The following FRMPD4 variants were observed in gnomAD, a reference collection of about 807,000 sequenced individuals.
FRMPD4 encodes the protein FERM and PDZ domain containing 4, also known as FERM and PDZ domain-containing protein 4.
In FRMPD4, 22 loss-of-function variants were observed where a neutral mutation model predicts 94.1. The ratio of observed to expected loss-of-function variants is 0.23; its 90% CI spans 0.17 to 0.33. FRMPD4 has a LOEUF of 0.33. FRMPD4 is among the 10% of genes least tolerant of loss of function. The pLI is 1.00. For missense variants in FRMPD4, 1,111 were observed against 1,339.9 expected, an observed-to-expected ratio of 0.83 and a Z score of 2.67; for synonymous variants, 631 against 548.6, an observed-to-expected ratio of 1.15 and a Z score of -2.10.
intron 1 of FRMPD4, among the ~76,000 whole-genome samples, chrX:12,358,853 T>C (rs892260646): frequency 8.9e-6 from 1 of 112,163 alleles, no homozygotes; most frequent in African/African-American, 3.2e-5. Context: ...TATCCCTTGC[T>C]CGGTTCCTTA....
chrX:11,935,095 T>TTTTTTA (rs869047289), intron 3 of FRMPD4, among the ~76,000 whole-genome samples: 6 of 49,006 alleles, frequency 1.2e-4, no homozygotes, highest in African/African-American at 3.6e-4. Flanking sequence ...TTTTTTTTTT[T>TTTTTTA]AAATTTAACA....
chrX:12,427,970 C>T (rs1455722789), intron 1 of FRMPD4, among the ~76,000 whole-genome samples: 1 of 85,380 alleles, frequency 1.2e-5, no homozygotes, highest in African/African-American at 4.6e-5. Flanking sequence ...AGTGCAGTGG[C>T]GCGATCTCGG....
chrX:11,848,655 G>T (rs1278334991), intron 1 of FRMPD4, among the ~76,000 whole-genome samples: 12 of 110,218 alleles, frequency 1.1e-4, no homozygotes, highest in Non-Finnish European at 2.1e-4. Flanking sequence ...GATATGTAGG[G>T]TGCTCATCAA....
intron 3 of FRMPD4, among the ~76,000 whole-genome samples, chrX:12,021,459 A>G (rs905973516): frequency 1.8e-5 from 2 of 112,008 alleles, no homozygotes; most frequent in Non-Finnish European, 3.8e-5. Flanking sequence ...TTTGGGGCTT[A>G]AATAACTCAA....
chrX:11,982,857 G>A, intron 3 of FRMPD4, among the ~76,000 whole-genome samples: 1 of 111,488 alleles, frequency 9.0e-6, no homozygotes, highest in Non-Finnish European at 1.9e-5. Context: ...TTTATATTTT[G>A]GATCTGCTGA....
At chrX:12,504,957 A>C (rs1302711122) in intron 2 of FRMPD4, among the ~76,000 whole-genome samples, 1 of 112,081 alleles carries the variant, frequency 8.9e-6, no homozygotes, top group Non-Finnish European at 1.9e-5. Context: ...GGGCCACTTG[A>C]CTACAACAGA....
chrX:12,086,091 G>C (rs1274633002), intron 3 of FRMPD4, among the ~76,000 whole-genome samples: 1 of 108,178 alleles, frequency 9.2e-6, no homozygotes, highest in African/African-American at 3.4e-5. Context: ...GTGTGTGTAT[G>C]TGTGTGTGTG....
At chrX:12,161,351 G>T (rs764827422) in intron 1 of FRMPD4, among the ~76,000 whole-genome samples, 7 of 111,436 alleles carry the variant, frequency 6.3e-5, no homozygotes, top group Admixed American at 5.7e-4. Context: ...TAGAGATGGG[G>T]TTTTACCATG....
intron 3 of FRMPD4, among the ~76,000 whole-genome samples, chrX:11,970,482 GGGAAGAAGAACT>G (rs1464172554): frequency 4.5e-5 from 5 of 112,088 alleles, no homozygotes; most frequent in Non-Finnish European, 9.4e-5. Flanking sequence ...CTAGAAAACA[GGGAAGAAGAACT>G]TGGTTCCAGC....
intron 1 of FRMPD4, among the ~76,000 whole-genome samples, chrX:12,352,552 G>A (rs1230479929): frequency 8.9e-6 from 1 of 112,352 alleles, no homozygotes; most frequent in Non-Finnish European, 1.9e-5. Flanking sequence ...CTATTGATAG[G>A]AATGATTCAC....
chrX:11,885,972 C>A (rs1334232490), intron 3 of FRMPD4, among the ~76,000 whole-genome samples: 2 of 111,524 alleles, frequency 1.8e-5, no homozygotes, highest in Non-Finnish European at 3.8e-5. Context: ...AAAGCAAAAT[C>A]TTATTAAGGT....
At chrX:12,001,237 G>T (rs965827623) in intron 3 of FRMPD4, among the ~76,000 whole-genome samples, 11 of 111,786 alleles carry the variant, frequency 9.8e-5, no homozygotes, top group Non-Finnish European at 2.1e-4. Flanking sequence ...ATTAATTAAG[G>T]TTGGTTGTGC....
chrX:12,650,265 A>C (rs1180006621), intron 4 of FRMPD4, among the ~76,000 whole-genome samples: 1 of 112,099 alleles, frequency 8.9e-6, no homozygotes, highest in Non-Finnish European at 1.9e-5. Flanking sequence ...GGATGCAAAC[A>C]GACAGCAGGA....
intron 1 of FRMPD4, among the ~76,000 whole-genome samples, chrX:12,398,472 AATCATT>A (rs1010696207): frequency 9.0e-6 from 1 of 111,216 alleles, no homozygotes; most frequent in African/African-American, 3.3e-5. Context: ...GTGTGACAGG[AATCATT>A]ATTAGCTTTC....
intron 2 of FRMPD4, among the ~76,000 whole-genome samples, chrX:12,557,388 C>A (rs1453027492): frequency 1.8e-5 from 2 of 111,918 alleles, no homozygotes. Flanking sequence ...TAGATCCAGA[C>A]AAGGGAAGGC....
At chrX:12,630,946 G>A (rs2059390164) in intron 4 of FRMPD4, among the ~76,000 whole-genome samples, 1 of 111,688 alleles carries the variant, frequency 9.0e-6, no homozygotes, top group Non-Finnish European at 1.9e-5. Flanking sequence ...TCCTTCAGAG[G>A]GTAATCCGGA....
intron 3 of FRMPD4, among the ~76,000 whole-genome samples, chrX:11,878,999 A>G (rs915992193): frequency 8.9e-6 from 1 of 112,176 alleles, no homozygotes; most frequent in Non-Finnish European, 1.9e-5. Flanking sequence ...AATGTTTTTG[A>G]GTTTCCATAA....
At chrX:12,318,432 G>A (rs989107534) in intron 1 of FRMPD4, among the ~76,000 whole-genome samples, 2 of 111,879 alleles carry the variant, frequency 1.8e-5, no homozygotes, top group African/African-American at 6.5e-5. Flanking sequence ...GGCTGAGATC[G>A]GAGGATTGCT....
rs748039709 is a variant in FRMPD4 at position 12,055,954 on chromosome X, A to G, written c.95+177936A>G. Among the ~76,000 whole-genome samples, 31 of 111,815 alleles carry G rather than the reference A, an allele frequency of 2.8e-4. 1 individual carries two copies. Among genetic ancestry groups the G allele is most frequent in the Admixed American group, 2.7e-3 (28 of 10,561 alleles). On this transcript the variant is annotated intron_variant, in intron 3 of 18. Coordinates refer to the FRMPD4 transcript ENST00000640291. The stretch of plus-strand genomic sequence containing the variant: ...TCATAGGAGTTATAGTGAATAAAAT[A>G]AAGGTAAAATTTCCCAAGTTCCTCC...
Sources: gnomAD v4.1 joint callset for allele counts (sites outside exome capture counted in the v4.1 genomes callset) on GRCh38, gnomAD v4.1.1 for gene constraint, MANE v1.5 for transcripts, NCBI Gene and HGNC (gene_info 2026-07-23, HGNC 2026-07-21) for gene names.